QTGAL: variants seen among roughly 807,000 people sequenced by gnomAD.
QTGAL encodes the protein queuosine-tRNA galactosyltransferase.
chr17:83,021,433 A>G, the QTGAL span, among the ~76,000 whole-genome samples: 1 of 99,562 alleles, frequency 1.0e-5, no homozygotes, highest in Non-Finnish European at 2.4e-5. Flanking sequence ...ATAGCACTGA[A>G]ACCCAAAAAT....
At chr17:82,966,495 T>C in the QTGAL span, among the ~76,000 whole-genome samples, 7 of 152,350 alleles carry the variant, frequency 4.6e-5, no homozygotes, top group East Asian at 1.3e-3. Context: ...GGTTGATTGG[T>C]ATCAGCTTAT....
chr17:83,004,825 A>C, the QTGAL span, among the ~76,000 whole-genome samples: 5,083 of 70,572 alleles, frequency 0.072, no homozygotes, highest in South Asian at 0.084. Flanking sequence ...GTGTGGGATT[A>C]CTGAGCTCAC....
At chr17:82,971,161 C>T in the QTGAL span, among the ~76,000 whole-genome samples, 3 of 152,204 alleles carry the variant, frequency 2.0e-5, no homozygotes, top group Non-Finnish European at 4.4e-5. Context: ...CAAACCACAT[C>T]CAAACCACGG....
the QTGAL span, chr17:82,942,347 C>A: frequency 6.5e-7 from 1 of 1,535,966 alleles, no homozygotes; most frequent in Non-Finnish European, 8.9e-7. Context: ...CTGCAGGAAC[C>A]GTGTCAGTCC....
chr17:83,015,701 C>T, the QTGAL span, among the ~76,000 whole-genome samples: 1 of 152,222 alleles, frequency 6.6e-6, no homozygotes, highest in South Asian at 2.1e-4. This position sits in a 1 kb window ranked among gnomAD's most constrained non-coding sequence, Gnocchi z 4.4. Flanking sequence ...AGCGTCACGG[C>T]CTGAGCTGCC....
chr17:82,954,903 T>C, the QTGAL span, among the ~76,000 whole-genome samples: 1 of 152,106 alleles, frequency 6.6e-6, no homozygotes, highest in Non-Finnish European at 1.5e-5. Context: ...ATTTAGTAAA[T>C]GGTGCTGGGA....
chr17:83,051,526 C>T, the QTGAL span, among the ~76,000 whole-genome samples: 2 of 152,198 alleles, frequency 1.3e-5, no homozygotes, highest in African/African-American at 4.8e-5. Context: ...ATCTCGGCCG[C>T]GCCCCGCGGG....
the QTGAL span, chr17:82,945,812 C>G: frequency 6.6e-6 from 1 of 152,206 alleles, no homozygotes; most frequent in Non-Finnish European, 1.5e-5. Flanking sequence ...TTGAGAACCA[C>G]TGCTTTAGTG....
At chr17:82,974,583 C>T in the QTGAL span, among the ~76,000 whole-genome samples, 1 of 152,152 alleles carries the variant, frequency 6.6e-6, no homozygotes, top group Non-Finnish European at 1.5e-5. Flanking sequence ...ATCATATTTG[C>T]GGAGTGAGCT....
chr17:82,956,945 G>A, the QTGAL span: 11 of 946,012 alleles, frequency 1.2e-5, no homozygotes, highest in Non-Finnish European at 1.6e-5. The surrounding 1 kb of genome is among the most constrained non-coding windows in gnomAD (Gnocchi z 5.7). Flanking sequence ...CCCGGCTCCC[G>A]CCACCCCCGC....
chr17:83,006,211 C>T, the QTGAL span: 1 of 985,764 alleles, frequency 1.0e-6, no homozygotes, highest in Non-Finnish European at 1.2e-6. This position sits in a 1 kb window ranked among gnomAD's most constrained non-coding sequence, Gnocchi z 5.8. Flanking sequence ...TATCAGTGAG[C>T]CAGTCTCCTA....
At chr17:83,046,161 ACT>A in the QTGAL span, among the ~76,000 whole-genome samples, 2 of 148,798 alleles carry the variant, frequency 1.3e-5, no homozygotes, top group Admixed American at 6.8e-5. Flanking sequence ...ATGGAGTCTC[ACT>A]CTGTCACCCA....
the QTGAL span, among the ~76,000 whole-genome samples, chr17:83,033,594 C>T: frequency 6.6e-6 from 1 of 151,390 alleles, no homozygotes; most frequent in Non-Finnish European, 1.5e-5. Context: ...GCCTCAGCCT[C>T]CCGAGTAGCT....
chr17:83,037,244 G>C, the QTGAL span, among the ~76,000 whole-genome samples: 1 of 152,152 alleles, frequency 6.6e-6, no homozygotes, highest in Non-Finnish European at 1.5e-5. This position sits in a 1 kb window ranked among gnomAD's most constrained non-coding sequence, Gnocchi z 5.2. Flanking sequence ...GGAAGGCAGG[G>C]CTCCCACCCC....
chr17:83,041,978 A>C, the QTGAL span, among the ~76,000 whole-genome samples: 1 of 152,380 alleles, frequency 6.6e-6, no homozygotes, highest in South Asian at 2.1e-4. Flanking sequence ...ATAGAGAAAG[A>C]ACAAATGAAG....
the QTGAL span, among the ~76,000 whole-genome samples, chr17:83,023,838 C>T: frequency 6.6e-6 from 1 of 152,160 alleles, no homozygotes; most frequent in African/African-American, 2.4e-5. Context: ...TTAGATGGGC[C>T]GATGCTTCTG....
chr17:82,977,187 C>T, the QTGAL span, among the ~76,000 whole-genome samples: 2 of 152,356 alleles, frequency 1.3e-5, no homozygotes, highest in East Asian at 3.9e-4. Flanking sequence ...ATCGAGGACA[C>T]CCATGAACGG....
At chr17:82,989,408 G>A in the QTGAL span, among the ~76,000 whole-genome samples, 1 of 151,630 alleles carries the variant, frequency 6.6e-6, no homozygotes, top group Non-Finnish European at 1.5e-5. Flanking sequence ...TACCTAGGTG[G>A]TGGGTTGATG....
At chr17:83,039,335 C>T in the QTGAL span, among the ~76,000 whole-genome samples, 6 of 46,516 alleles carry the variant, frequency 1.3e-4, 1 homozygote, top group Admixed American at 1.9e-4. Context: ...GCCCGCCGCC[C>T]GCCCCTCTTC....
Sources: gnomAD v4.1 joint callset for allele counts (sites outside exome capture counted in the v4.1 genomes callset) on GRCh38, gnomAD v4.1.1 for gene constraint, Gnocchi (gnomAD v3.1) non-coding constraint, MANE v1.5 for transcripts, NCBI Gene and HGNC (gene_info 2026-07-23, HGNC 2026-07-21) for gene names.